GPC5: variants seen among roughly 807,000 people sequenced by gnomAD.
GPC5 encodes the protein glypican 5, also known as glypican-5.
In GPC5, 47 loss-of-function variants were observed where a neutral mutation model predicts 53.9. The ratio of observed to expected loss-of-function variants is 0.87; its 90% CI spans 0.69 to 1.11. The LOEUF is 1.11. GPC5 is among the 50% of genes most tolerant of loss of function. The pLI is 0.00. For synonymous variants in GPC5, 286 were observed against 263.3 expected (o/e 1.09, Z -0.84); for missense variants, 748 against 713.1 (o/e 1.05, Z -0.56).
chr13:91,477,833 A>G (rs1057014698), intron 2 of GPC5, among the ~76,000 whole-genome samples: 3 of 152,186 alleles, frequency 2.0e-5, no homozygotes, highest in African/African-American at 7.2e-5. Context: ...GAGTTTTTCA[A>G]TCCAGGCACA....
At chr13:91,416,655 A>G (rs769762453) in intron 1 of GPC5, among the ~76,000 whole-genome samples, 2 of 151,832 alleles carry the variant, frequency 1.3e-5, no homozygotes, top group African/African-American at 2.4e-5. Flanking sequence ...TCCCTGCCCA[A>G]GTGATCTCAT....
chr13:92,517,173 T>G (rs1880824036), intron 7 of GPC5, among the ~76,000 whole-genome samples: 1 of 152,008 alleles, frequency 6.6e-6, no homozygotes, highest in Non-Finnish European at 1.5e-5. Context: ...GTAAATAAAG[T>G]GGCCAGGAAG....
chr13:92,332,504 T>C (rs1217290586), intron 7 of GPC5, among the ~76,000 whole-genome samples: 1 of 152,200 alleles, frequency 6.6e-6, no homozygotes, highest in Non-Finnish European at 1.5e-5. Context: ...GCCTCAATCC[T>C]TAGTTTTCAC....
intron 7 of GPC5, among the ~76,000 whole-genome samples, chr13:92,351,970 G>C (rs1265966625): frequency 6.6e-6 from 1 of 152,126 alleles, no homozygotes; most frequent in East Asian, 1.9e-4. Flanking sequence ...GTGATTTTAA[G>C]GTTTTTGTGG....
intron 7 of GPC5, among the ~76,000 whole-genome samples, chr13:92,667,212 G>A (rs373858446): frequency 5.6e-4 from 85 of 152,178 alleles, no homozygotes; most frequent in East Asian, 3.3e-3. Context: ...GTGTGTGTAC[G>A]GAAATGTACT....
At chr13:92,498,687 A>G (rs1052390209) in intron 7 of GPC5, among the ~76,000 whole-genome samples, 10 of 152,098 alleles carry the variant, frequency 6.6e-5, no homozygotes, top group Non-Finnish European at 1.3e-4. Context: ...TACGTACTAT[A>G]ATGCCTTCAC....
rs1879332297 is a variant in GPC5, at chr13:92,866,290, G to A, written c.1570G>A (p.Asp524Asn). Residue 524 changes from aspartate to asparagine, a missense_variant, in exon 8 of 8, where the codon GAT becomes AAT. Asp to Asn is a conservative substitution (Grantham distance 23). Coordinates refer to ENST00000377067, the MANE Select transcript of GPC5 (RefSeq NM_004466.6). ...RTLKITDWMP[D>N]DMNFSDVKQI... ...CTTATTTGCCTCTACAGGGATGCCA[G>A]ATGATATGAACTTCAGTGATGTAAA... The A allele has an allele frequency of 3.1e-6, 5 of 1,609,818 alleles. No individual in the cohort carries two copies. In the East Asian group the frequency reaches 9.0e-5, roughly 29 times the overall value.
intron 6 of GPC5, among the ~76,000 whole-genome samples, chr13:91,925,379 C>T (rs776686320): frequency 3.3e-5 from 5 of 152,034 alleles, no homozygotes; most frequent in African/African-American, 7.2e-5. Flanking sequence ...ACAAGTAATA[C>T]GCTTTCAATC....
rs761975923 is a variant in GPC5, at chr13:92,658,602, TTTG to T, written c.1562-207668_1562-207666del. 1.8e-4 allele frequency among the ~76,000 whole-genome samples: 28 copies of T among 152,280 alleles called. No homozygotes were observed. In the East Asian group the frequency reaches 2.1e-3, roughly 12 times the overall value. ...TAGCGTTAAGAGCTGCTATTTTGGT[TTTG>T]TTGTTGTTGTTTCTGTTGTTTCAGA... On this transcript the variant is annotated intron_variant, in intron 7 of 7. Transcript: ENST00000377067.
At chr13:92,199,718 C>G (rs967572935) in intron 7 of GPC5, among the ~76,000 whole-genome samples, 3 of 152,136 alleles carry the variant, frequency 2.0e-5, no homozygotes, top group Admixed American at 2.0e-4. Context: ...CTTCTGTCCA[C>G]GCAAGAGACT....
intron 5 of GPC5, among the ~76,000 whole-genome samples, chr13:91,797,743 C>A (rs1318244260): frequency 2.0e-5 from 3 of 152,102 alleles, no homozygotes; most frequent in Admixed American, 2.0e-4. Context: ...TCCAGAAACA[C>A]AAGAAAAACT....
At chr13:92,082,594 A>G (rs2041305095) in intron 6 of GPC5, among the ~76,000 whole-genome samples, 1 of 152,216 alleles carries the variant, frequency 6.6e-6, no homozygotes, top group Admixed American at 6.5e-5. Flanking sequence ...CAAAATAAAT[A>G]TATTGCTCAC....
intron 7 of GPC5, among the ~76,000 whole-genome samples, chr13:92,198,025 T>C (rs1228574303): frequency 1.3e-5 from 2 of 152,192 alleles, no homozygotes; most frequent in African/African-American, 2.4e-5. Flanking sequence ...CTGGAATTCA[T>C]GTGCCTGACT....
At chr13:91,399,655 C>A (rs1876776219) in intron 1 of GPC5, among the ~76,000 whole-genome samples, 1 of 152,140 alleles carries the variant, frequency 6.6e-6, no homozygotes, top group South Asian at 2.1e-4. Context: ...CACAAACCTG[C>A]GATATACCCC....
At chr13:92,769,803 C>G (rs1875543084) in intron 7 of GPC5, among the ~76,000 whole-genome samples, 4 of 152,214 alleles carry the variant, frequency 2.6e-5, no homozygotes, top group Admixed American at 2.6e-4. Flanking sequence ...GCTTAAACAA[C>G]TGAGCTAAAT....
intron 2 of GPC5, among the ~76,000 whole-genome samples, chr13:91,566,488 A>G (rs897834697): frequency 1.3e-5 from 2 of 152,118 alleles, no homozygotes; most frequent in Admixed American, 6.6e-5. Context: ...ACTTGAACCC[A>G]GGAGGCAGAG....
At chr13:91,594,198 TAC>T (rs2032908718) in intron 2 of GPC5, among the ~76,000 whole-genome samples, 1 of 152,180 alleles carries the variant, frequency 6.6e-6, no homozygotes, top group African/African-American at 2.4e-5. Flanking sequence ...TAAGAAAAAG[TAC>T]AGTTTTTTTA....
Position 92,124,915 on chromosome 13 carries a change from C to T in GPC5, c.1402-19915C>T, listed in dbSNP as rs555251992. On this transcript the variant is annotated intron_variant, in intron 6 of 7. Transcript: ENST00000377067. ...CCTCCCGGTATCTTGTGTTATCTCCCCTTCTGGAGTATGAGCTAGACCTGG... is the reference window on the plus strand; with the variant it reads ...CCTCCCGGTATCTTGTGTTATCTCCTCTTCTGGAGTATGAGCTAGACCTGG... Among the ~76,000 whole-genome samples, 110 of 152,254 alleles carry T rather than the reference C, an allele frequency of 7.2e-4. 1 individual carries two copies. Among genetic ancestry groups the T allele is most frequent in the South Asian group, 7.0e-3 (34 of 4,832 alleles).
At chr13:91,405,319 G>A (rs1877240078) in intron 1 of GPC5, among the ~76,000 whole-genome samples, 1 of 152,106 alleles carries the variant, frequency 6.6e-6, no homozygotes, top group African/African-American at 2.4e-5. Context: ...GATACCAATA[G>A]CATTACCACT....
Sources: allele counts gnomAD v4.1 joint callset (sites outside exome capture counted in the v4.1 genomes callset), GRCh38; gene constraint gnomAD v4.1.1; transcripts MANE v1.5; gene names NCBI Gene and HGNC (gene_info 2026-07-23, HGNC 2026-07-21).